The following PTPRT variants were observed in gnomAD, a reference collection of about 807,000 sequenced individuals.
PTPRT encodes receptor-type tyrosine-protein phosphatase T.
PTPRT carries 56 observed loss-of-function variants against 176.8 expected under a neutral mutation model. That is an observed-to-expected ratio of 0.32 (90% CI 0.26 to 0.40). The LOEUF (loss-of-function observed/expected upper bound fraction) is 0.40, where lower values mean the gene tolerates loss of function less well. Ranked by LOEUF, PTPRT falls within the 10% of genes least tolerant of loss-of-function variation. The probability of loss-of-function intolerance (pLI) is 1.00; values close to 1 mark genes in which losing one functional copy is unlikely to be tolerated. For synonymous variants in PTPRT, 783 were observed against 739.0 expected (o/e 1.06, Z -0.96); for missense variants, 1,540 against 1,908.2 (o/e 0.81, Z 3.60).
chr20:43,119,910 T>C (rs2013194014), intron 1 of PTPRT, among the ~76,000 whole-genome samples: 2 of 152,280 alleles, frequency 1.3e-5, no homozygotes, highest in Admixed American at 1.3e-4. Flanking sequence ...CAAGGCCACA[T>C]GGGAGCTGAC....
At chr20:42,202,239 G>A (rs1449724044) in intron 15 of PTPRT, among the ~76,000 whole-genome samples, 1 of 152,122 alleles carries the variant, frequency 6.6e-6, no homozygotes, top group Non-Finnish European at 1.5e-5. Flanking sequence ...CAAAGTGCTA[G>A]GATTACAGGT....
At chr20:42,429,414 C>T (rs1233752824) in intron 9 of PTPRT, among the ~76,000 whole-genome samples, 2 of 152,034 alleles carry the variant, frequency 1.3e-5, no homozygotes, top group Non-Finnish European at 2.9e-5. Context: ...GGTCCTAGAA[C>T]CTGAAAGGTC....
chr20:43,067,981 G>C lies in PTPRT; in HGVS notation c.88+121665C>G, dbSNP rs375840706. ...GGAGGGGAAGGGAGAGGAAGGGAGG[G>C]AAGGAAGGGAGGGGAGGAAGGAAGG... On this transcript the variant is annotated intron_variant, in intron 1 of 30. Transcript: ENST00000373187. 7.0e-4 allele frequency among the ~76,000 whole-genome samples: 6 copies of C among 8,562 alleles called. No individual in the cohort carries two copies. The East Asian group carries it at 0.013, about 18-fold the overall frequency. 5.6% of individuals were successfully genotyped at this position (8,562 alleles called of 152,430 possible). A position where few individuals can be genotyped will look rare whatever the true frequency, so the allele number is the denominator to read the frequency against.
intron 1 of PTPRT, among the ~76,000 whole-genome samples, chr20:43,011,945 A>G (rs1987663): frequency 0.033 from 4,992 of 152,138 alleles, 234 homozygotes; most frequent in Admixed American, 0.13. Flanking sequence ...CGAACATCAG[A>G]CCCCAAGTTC....
intron 11 of PTPRT, among the ~76,000 whole-genome samples, chr20:42,334,352 C>T (rs2058010705): frequency 6.6e-6 from 1 of 152,024 alleles, no homozygotes; most frequent in Non-Finnish European, 1.5e-5. Flanking sequence ...TCTTAAGGGA[C>T]AAATTAACGC....
intron 1 of PTPRT, among the ~76,000 whole-genome samples, chr20:42,972,192 G>A (rs1337852588): frequency 2.8e-5 from 4 of 144,722 alleles, no homozygotes; most frequent in African/African-American, 5.1e-5. Flanking sequence ...GGGGAGGCAC[G>A]GCATTCCATG....
chr20:43,098,156 A>G (rs958342007), intron 1 of PTPRT, among the ~76,000 whole-genome samples: 1 of 152,196 alleles, frequency 6.6e-6, no homozygotes, highest in Non-Finnish European at 1.5e-5. Flanking sequence ...GACTGATGAC[A>G]AGCTAAAATT....
At chr20:42,797,056 T>A (rs576632898) in intron 2 of PTPRT, among the ~76,000 whole-genome samples, 1 of 152,310 alleles carries the variant, frequency 6.6e-6, no homozygotes, top group Non-Finnish European at 1.5e-5. Context: ...ATCTTTCCCA[T>A]ACCCCTAAAG....
chr20:42,070,732 G>A (rs759270768), downstream of PTPRT, among the ~76,000 whole-genome samples: 1 of 152,058 alleles, frequency 6.6e-6, no homozygotes, highest in South Asian at 2.1e-4. Context: ...ATGTTAACAG[G>A]TACCTTTGAG....
chr20:42,147,239 AG>A (rs1327914318), intron 17 of PTPRT, among the ~76,000 whole-genome samples: 1 of 152,184 alleles, frequency 6.6e-6, no homozygotes, highest in Non-Finnish European at 1.5e-5. Flanking sequence ...TTAGTGAATG[AG>A]GTGGCTTCTG....
chr20:42,682,992 C>T (rs942251578), intron 6 of PTPRT, among the ~76,000 whole-genome samples: 15 of 152,292 alleles, frequency 9.8e-5, no homozygotes, highest in African/African-American at 3.1e-4. Context: ...AAAAACCAAA[C>T]GTTACTAAGA....
intron 13 of PTPRT, among the ~76,000 whole-genome samples, chr20:42,275,725 C>T (rs1430217906): frequency 6.6e-6 from 1 of 152,162 alleles, no homozygotes; most frequent in Admixed American, 6.5e-5. Context: ...TGATATAGTT[C>T]TCTTCCTCCA....
chr20:42,062,407 T>C, the PTPRT span, among the ~76,000 whole-genome samples: 1 of 152,174 alleles, frequency 6.6e-6, no homozygotes, highest in Non-Finnish European at 1.5e-5. Flanking sequence ...TCAGGAAGAA[T>C]CAGGGCTGCC....
chr20:42,436,998 A>G (rs2059267786), intron 9 of PTPRT, among the ~76,000 whole-genome samples: 1 of 152,224 alleles, frequency 6.6e-6, no homozygotes, highest in Admixed American at 6.5e-5. Context: ...GAATTCACAC[A>G]AGTAGCAAAA....
intron 2 of PTPRT, among the ~76,000 whole-genome samples, chr20:42,836,989 A>C (rs1165052916): frequency 6.6e-6 from 1 of 152,208 alleles, no homozygotes; most frequent in Non-Finnish European, 1.5e-5. Flanking sequence ...TTTGAACCCC[A>C]GCAGTCTGAG....
intron 13 of PTPRT, among the ~76,000 whole-genome samples, chr20:42,263,599 T>G (rs2056790220): frequency 6.6e-6 from 1 of 151,724 alleles, no homozygotes; most frequent in African/African-American, 2.4e-5. Flanking sequence ...CAGGCTGGTC[T>G]AGAACTCCTG....
intron 27 of PTPRT, among the ~76,000 whole-genome samples, chr20:42,086,751 A>ATATATATATATATATATAT (rs58059394): frequency 1.2e-4 from 12 of 96,486 alleles, no homozygotes; most frequent in East Asian, 6.7e-4. Flanking sequence ...AAAAAAAAAA[A>ATATATATATATATATATAT]AAATATATAT....
intron 2 of PTPRT, among the ~76,000 whole-genome samples, chr20:42,862,097 C>T (rs1252496046): frequency 6.6e-6 from 1 of 152,146 alleles, no homozygotes; most frequent in East Asian, 1.9e-4. Flanking sequence ...TAAAAATTAA[C>T]ACAACATTTT....
chr20:42,104,295 C>CCTAT lies in PTPRT; in HGVS notation c.3540+270_3540+273dup, dbSNP rs372178899. On this transcript the variant is annotated intron_variant, in intron 25 of 30. Transcript: ENST00000373187. ...ACCATCCTGGGCAACATAGTGAGAT[C>CCTAT]CTATCTCTATAAAAAGTAAAAAAAA... 3.0e-3 allele frequency among the ~76,000 whole-genome samples: 450 copies of CCTAT among 152,142 alleles called. 4 individuals carry two copies. The highest frequency in any genetic ancestry group is 9.7e-3 in the African/African-American group (401 of 41,500).
Sources: gnomAD v4.1 joint callset for allele counts (sites outside exome capture counted in the v4.1 genomes callset) on GRCh38, gnomAD v4.1.1 for gene constraint, MANE v1.5 for transcripts, NCBI Gene and HGNC (gene_info 2026-07-23, HGNC 2026-07-21) for gene names.